The following FHIP1A variants were observed in gnomAD, a reference collection of about 807,000 sequenced individuals.
FHIP1A encodes FHF complex subunit HOOK-interacting protein 1A.
A neutral mutation model predicts 88.6 loss-of-function variants in FHIP1A; 61 were observed. The ratio of observed to expected loss-of-function variants is 0.69; its 90% CI spans 0.56 to 0.85. FHIP1A has a LOEUF of 0.85. FHIP1A is among the 40% of genes least tolerant of loss of function. FHIP1A has a pLI of 0.00. For missense variants in FHIP1A, 1,154 were observed against 1,273.5 expected (o/e 0.91, Z 1.43); for synonymous variants, 478 against 496.0 (o/e 0.96, Z 0.48).
chr4:151,540,419 A>T (rs1258445665), intron 3 of FHIP1A, among the ~76,000 whole-genome samples: 2 of 152,220 alleles, frequency 1.3e-5, no homozygotes, highest in Non-Finnish European at 2.9e-5. Flanking sequence ...CTTTCACTTT[A>T]TACCTTAGTT....
chr4:151,525,401 A>C (rs1731593381), intron 3 of FHIP1A, among the ~76,000 whole-genome samples: 1 of 152,234 alleles, frequency 6.6e-6, no homozygotes, highest in Non-Finnish European at 1.5e-5. Context: ...GAAAAATCGG[A>C]TTGACTCAGC....
rs141208840 is a variant in FHIP1A at position 151,622,604 on chromosome 4, G to A, written c.979-7098G>A. Among the ~76,000 whole-genome samples, 422 of 152,196 alleles carry A rather than the reference G, an allele frequency of 2.8e-3. 2 individuals carry two copies. The highest frequency in any genetic ancestry group is 9.9e-3 in the African/African-American group (410 of 41,528). ...GGGACTCAAATAACTGAAACAATAT[G>A]CTTCGAATAGTCCTTAGTTGCATAC... On this transcript the variant is annotated intron_variant, in intron 7 of 13. Coordinates refer to ENST00000435205, the MANE Select transcript of FHIP1A (RefSeq NM_001109977.3).
At chr4:151,600,095 T>G (rs1734806277) in intron 7 of FHIP1A, among the ~76,000 whole-genome samples, 1 of 152,212 alleles carries the variant, frequency 6.6e-6, no homozygotes, top group South Asian at 2.1e-4. Context: ...CATCACTGCA[T>G]CTTGATTGTG....
chr4:151,478,341 T>G (rs904237998), intron 2 of FHIP1A, among the ~76,000 whole-genome samples: 1 of 152,172 alleles, frequency 6.6e-6, no homozygotes, highest in African/African-American at 2.4e-5. Context: ...GCTGAAGACA[T>G]GCCTAGCCTC....
chr4:151,485,853 TGTG>T (rs1477470327), intron 3 of FHIP1A, among the ~76,000 whole-genome samples: 1 of 152,070 alleles, frequency 6.6e-6, no homozygotes, highest in Non-Finnish European at 1.5e-5. Context: ...CCTCCCAAAG[TGTG>T]GGGATTACAG....
intron 3 of FHIP1A, among the ~76,000 whole-genome samples, chr4:151,509,013 C>T (rs146385689): frequency 1.3e-5 from 2 of 152,262 alleles, no homozygotes; most frequent in African/African-American, 4.8e-5. Context: ...AGGTGTCAGA[C>T]ATTCTTAAGC....
intron 1 of FHIP1A, among the ~76,000 whole-genome samples, chr4:151,412,578 C>CTTT (rs757312512): frequency 0.085 from 10,378 of 122,272 alleles, 509 homozygotes; most frequent in Non-Finnish European, 0.1. Context: ...TTCTTTCTTT[C>CTTT]CTTTCTTTCC....
At chr4:151,624,419 C>T (rs1735866385) in intron 7 of FHIP1A, among the ~76,000 whole-genome samples, 1 of 152,102 alleles carries the variant, frequency 6.6e-6, no homozygotes, top group Non-Finnish European at 1.5e-5. Context: ...CCCAGGCAGA[C>T]AGACCCCAGC....
intron 1 of FHIP1A, among the ~76,000 whole-genome samples, chr4:151,438,457 C>G (rs536797903): frequency 4.6e-5 from 7 of 151,966 alleles, no homozygotes; most frequent in Non-Finnish European, 8.8e-5. Context: ...CATTGTATTT[C>G]TCTCTCCCTT....
chr4:151,494,728 G>A (rs1730399334), intron 3 of FHIP1A, among the ~76,000 whole-genome samples: 2 of 152,166 alleles, frequency 1.3e-5, no homozygotes, highest in Non-Finnish European at 2.9e-5. Context: ...TAGTTTGACA[G>A]GAATAGCATT....
intron 3 of FHIP1A, among the ~76,000 whole-genome samples, chr4:151,486,737 C>T (rs188025029): frequency 1.4e-3 from 206 of 152,044 alleles, no homozygotes; most frequent in African/African-American, 4.6e-3. Flanking sequence ...GAGGTCGAGG[C>T]GGGCGGATCG....
At chr4:151,638,822 A>G in intron 9 of FHIP1A, 66 bp downstream of exon 9, 1 of 862,614 alleles carries the variant, frequency 1.2e-6, no homozygotes, top group Non-Finnish European at 1.8e-6. Flanking sequence ...CTTTATATTC[A>G]TATACTTTGT....
At chr4:151,486,924 C>T (rs1730108149) in intron 3 of FHIP1A, among the ~76,000 whole-genome samples, 1 of 150,374 alleles carries the variant, frequency 6.7e-6, no homozygotes, top group African/African-American at 2.5e-5. Context: ...GCCGAGACTG[C>T]GCCACTGCAC....
At chr4:151,615,571 A>G (rs1189030769) in intron 7 of FHIP1A, among the ~76,000 whole-genome samples, 1 of 152,180 alleles carries the variant, frequency 6.6e-6, no homozygotes, top group Non-Finnish European at 1.5e-5. Context: ...TGGGGATGGC[A>G]AGGGGGTGTT....
intron 1 of FHIP1A, among the ~76,000 whole-genome samples, chr4:151,451,014 G>A (rs1728770960): frequency 6.6e-6 from 1 of 152,104 alleles, no homozygotes; most frequent in Admixed American, 6.6e-5. Flanking sequence ...CTGGCCTCAA[G>A]TGATCCACCC....
At chr4:151,475,894 C>T (rs1343688902) in intron 2 of FHIP1A, among the ~76,000 whole-genome samples, 1 of 150,670 alleles carries the variant, frequency 6.6e-6, no homozygotes, top group Non-Finnish European at 1.5e-5. Context: ...ACAGAGTCTC[C>T]CTTTATTGCC....
chr4:151,511,254 C>T (rs539974868), intron 3 of FHIP1A, among the ~76,000 whole-genome samples: 1 of 152,174 alleles, frequency 6.6e-6, no homozygotes, highest in African/African-American at 2.4e-5. Flanking sequence ...ATATATTATT[C>T]GTCCATGGGG....
chr4:151,512,256 A>G (rs1335978227), intron 3 of FHIP1A, among the ~76,000 whole-genome samples: 3 of 152,168 alleles, frequency 2.0e-5, no homozygotes, highest in Admixed American at 6.5e-5. Context: ...ACTAACAAAC[A>G]GAAAGGACAT....
At position 151,579,361 on chromosome 4, in the gene FHIP1A, G is replaced by A. The variant is rs543178467; in HGVS notation, c.732+1285G>A. Among the ~76,000 whole-genome samples the A allele has an allele frequency of 1.1e-4, 16 of 152,306 alleles. No homozygotes were observed. In the East Asian group the frequency reaches 1.2e-3, roughly 11 times the overall value. On this transcript the variant is annotated intron_variant, in intron 5 of 13. Transcript: ENST00000435205. ...GTGCATGTGTTGGGGCAGCGGCTAT[G>A]TGGGATATCTCTGTACCTTCCTCTC...
Sources: allele counts gnomAD v4.1 joint callset (sites outside exome capture counted in the v4.1 genomes callset), GRCh38; gene constraint gnomAD v4.1.1; transcripts MANE v1.5; gene names NCBI Gene and HGNC (gene_info 2026-07-23, HGNC 2026-07-21).